HSPA8: variants seen among roughly 807,000 people sequenced by gnomAD.
HSPA8 encodes the protein heat shock protein family A (Hsp70) member 8.
In HSPA8, 2 loss-of-function variants were observed where a neutral mutation model predicts 52.8. That is an observed-to-expected ratio of 0.04 (90% CI 0.02 to 0.12). The LOEUF (loss-of-function observed/expected upper bound fraction) is 0.12, where lower values mean the gene tolerates loss of function less well. Ranked by LOEUF, HSPA8 falls within the 10% of genes least tolerant of loss-of-function variation. The pLI is 1.00. For synonymous variants in HSPA8, 436 were observed against 274.0 expected (o/e 1.59, Z -5.84); for missense variants, 349 against 800.5 (o/e 0.44, Z 6.81).
chr11:123,058,090 C>A, intron 8 of HSPA8, 162 bp downstream of exon 8: 1 of 715,170 alleles, frequency 1.4e-6, no homozygotes, highest in Non-Finnish European at 2.3e-6. Flanking sequence ...CTCAGACATC[C>A]AAGGAAGGTA....
At chr11:123,061,978 C>T (rs941515599) in intron 1 of HSPA8, 86 bp downstream of exon 1, 1 of 152,648 alleles carries the variant, frequency 6.6e-6, no homozygotes, top group Non-Finnish European at 1.4e-5. Flanking sequence ...ATTCTCAGAA[C>T]CCCCAAGCCT....
At chr11:123,058,225 G>GGAA (rs1865371766) in intron 8 of HSPA8, 27 bp downstream of exon 8, 10 of 1,024,674 alleles carry the variant, frequency 9.8e-6, no homozygotes, top group Admixed American at 2.3e-5. Flanking sequence ...GAGTGGGGGA[G>GGAA]GAAAAAAAAA....
rs779708153 is a variant in HSPA8 at position 123,061,247 on chromosome 11, G to C, written c.78C>G (p.Val26=). The C allele has an allele frequency of 6.2e-6, 10 of 1,613,706 alleles. No homozygotes were observed. The highest frequency in any genetic ancestry group is 3.3e-5 in the South Asian group (3 of 91,074). The change falls in exon 2 of 9, where the codon GTC becomes GTG. Residue 26 remains valine, a synonymous_variant. Transcript: ENST00000534624. ...SCVGVFQHGK[V]EIIANDQGNR... is the part of the protein sequence containing the mutation. Reference sequence around the variant, plus strand: ...TTCCCTGATCATTGGCAATTATCTCGACTTTTCCGTGCTGGAAAACACCCA... The same window carrying C: ...TTCCCTGATCATTGGCAATTATCTCCACTTTTCCGTGCTGGAAAACACCCA...
chr11:123,061,522 G>T (rs1345722358), intron 1 of HSPA8, 193 bp from the exon 2 acceptor site: 3 of 602,830 alleles, frequency 5.0e-6, no homozygotes, highest in African/African-American at 3.7e-5. Flanking sequence ...CCGCAGCAGA[G>T]CACGCCCTAG....
chr11:123,058,112 C>G, intron 8 of HSPA8, 140 bp downstream of exon 8: 1 of 725,390 alleles, frequency 1.4e-6, no homozygotes, highest in Non-Finnish European at 2.3e-6. Context: ...TTGCCAACAC[C>G]TTGAATTCTG....
chr11:123,059,405 A>G, intron 5 of HSPA8, 68 bp downstream of exon 5: 2 of 1,436,666 alleles, frequency 1.4e-6, no homozygotes, highest in Non-Finnish European at 1.9e-6. Context: ...AATGTTTAAC[A>G]ATCACTCATC....
At chr11:123,060,944 T>G (rs1865479770) in intron 2 of HSPA8, 146 bp from the exon 3 acceptor site, 3 of 880,928 alleles carry the variant, frequency 3.4e-6, no homozygotes, top group Non-Finnish European at 5.3e-6. Flanking sequence ...TTCAACCTCC[T>G]ACGTTATCCA....
At position 123,059,460 on chromosome 11, in the gene HSPA8, A is replaced by C; in HGVS notation, c.1120+13T>G. 1.9e-6 allele frequency: 3 copies of C among 1,605,232 alleles called. No homozygotes were observed. The South Asian group carries it at 3.3e-5, about 18-fold the overall frequency. On this transcript the variant is annotated intron_variant, in intron 5 of 8. Transcript: ENST00000534624. ...CTGCCTGCCTTTAGGGTTAATTGAG[A>C]TACCATTGTTACCTGCACCATAAGC...
chr11:123,060,324 A>C (rs1203052969), intron 3 of HSPA8, 56 bp from the exon 4 acceptor site: 2 of 1,515,586 alleles, frequency 1.3e-6, no homozygotes, highest in African/African-American at 2.8e-5. Context: ...ATATATGCAA[A>C]CTCCAGCAAA....
intron 8 of HSPA8, 96 bp downstream of exon 8, chr11:123,058,156 T>C (rs1194010577): frequency 4.7e-6 from 4 of 856,628 alleles, no homozygotes; most frequent in African/African-American, 3.4e-5. Flanking sequence ...CCATTCATCA[T>C]TGTGACCCTA....
In HSPA8 at chr11:123,057,692, T is replaced by C. The variant is rs1865345874; in HGVS notation, c.*42A>G. The C allele has an allele frequency of 1.3e-6, 2 of 1,513,192 alleles. No individual in the cohort carries two copies. Among genetic ancestry groups the C allele is most frequent in the Non-Finnish European group, 1.8e-6 (2 of 1,118,404 alleles). The allele number at this position is 1,513,192 out of a possible 1,614,324, so 93.7% of individuals were successfully genotyped here. On this transcript the variant is annotated 3_prime_UTR_variant, in exon 9 of 9. Coordinates refer to ENST00000534624, the MANE Select transcript of HSPA8 (RefSeq NM_006597.6). Reference sequence around the variant, plus strand: ...GCTACGAATTTAGGTCCTTCAAATGTTTTAAATGTGTGGAACAATGCTACA... The same window carrying C: ...GCTACGAATTTAGGTCCTTCAAATGCTTTAAATGTGTGGAACAATGCTACA...
Position 123,058,841 on chromosome 11 carries a change from A to G in HSPA8, c.1324-11T>C. 1 of 1,612,528 alleles carries G rather than the reference A, an allele frequency of 6.2e-7. No individual in the cohort carries two copies. Among genetic ancestry groups the G allele is most frequent in the Non-Finnish European group, 8.5e-7 (1 of 1,178,606 alleles). On this transcript the variant is annotated splice_polypyrimidine_tract_variant and intron_variant, in intron 6 of 8. Transcript: ENST00000534624. Reference sequence around the variant, plus strand: ...CTCGCCTTCATAAACCTTGGTAGGAAATAAAACAAATTACTACAATGGACT... The same window carrying G: ...CTCGCCTTCATAAACCTTGGTAGGAGATAAAACAAATTACTACAATGGACT...
chr11:123,060,369 C>T, intron 3 of HSPA8, 101 bp from the exon 4 acceptor site: 2 of 1,147,098 alleles, frequency 1.7e-6, no homozygotes, highest in East Asian at 2.4e-5. Context: ...GCTGGAGCAC[C>T]CCCCCCACCA....
chr11:123,058,195 C>G lies in HSPA8; in HGVS notation c.1755+57G>C, dbSNP rs890890711. The G allele has an allele frequency of 5.4e-6, 6 of 1,112,818 alleles. No individual in the cohort carries two copies. In the African/African-American group the frequency reaches 9.7e-5, roughly 18 times the overall value. 68.9% of individuals were successfully genotyped at this position (1,112,818 alleles called of 1,614,324 possible). A position where few individuals can be genotyped will look rare whatever the true frequency, so the allele number is the denominator to read the frequency against. On this transcript the variant is annotated intron_variant, in intron 8 of 8. Coordinates refer to ENST00000534624, the MANE Select transcript of HSPA8 (RefSeq NM_006597.6). ...TGAAATCCAGCTCAAGCTTGGTTTA[C>G]CATCCCCTTCCCCTCCATTGAGTGG...
chr11:123,059,888 G>A lies in HSPA8; in HGVS notation c.705C>T (p.Asn235=), dbSNP rs201712472. 3.7e-6 allele frequency: 6 copies of A among 1,613,404 alleles called. No homozygotes were observed. Among genetic ancestry groups the A allele is most frequent in the African/African-American group, 1.3e-5 (1 of 74,950 alleles). ...DTHLGGEDFD[N]RMVNHFIAEF... The stretch of plus-strand genomic sequence containing the variant: ...CAGCAATAAAATGGTTGACCATTCG[G>A]TTGTCAAAATCTTCTCCACCCAAGT... The change falls in exon 5 of 9, where the codon AAC becomes AAT. Residue 235 remains asparagine, a synonymous_variant. Coordinates refer to ENST00000534624, the MANE Select transcript of HSPA8 (RefSeq NM_006597.6).
intron 6 of HSPA8, 73 bp from the exon 7 acceptor site, chr11:123,058,903 G>A (rs1865399508): frequency 7.4e-6 from 11 of 1,481,780 alleles, no homozygotes; most frequent in African/African-American, 1.4e-5. Flanking sequence ...TGCTAAGGAA[G>A]AATGGTCGCT....
In HSPA8 at chr11:123,059,715, A is replaced by T; in HGVS notation, c.878T>A (p.Phe293Tyr). 1 of 1,613,930 alleles carries T rather than the reference A, an allele frequency of 6.2e-7. No homozygotes were observed. The highest frequency in any genetic ancestry group is 8.5e-7 in the Non-Finnish European group (1 of 1,179,884). ...EIDSLYEGID[F>Y]YTSITRARFE... ...TCGGGCACGGGTAATGGAGGTATAG[A>T]AGTCGATTCCTTCATAGAGAGAATC... Residue 293 changes from phenylalanine to tyrosine, a missense_variant, in exon 5 of 9, where the codon TTC becomes TAC. Phe to Tyr is a conservative substitution (Grantham distance 22). Transcript: ENST00000534624.
chr11:123,061,069 T>G (rs747430342), intron 2 of HSPA8, 51 bp downstream of exon 2: 2 of 1,500,892 alleles, frequency 1.3e-6, no homozygotes, highest in Non-Finnish European at 1.9e-6. Flanking sequence ...TAAACTTTTG[T>G]GCTTCCTAGC....
At chr11:123,061,587 C>T (rs925652166) in intron 1 of HSPA8, 3 of 525,634 alleles carry the variant, frequency 5.7e-6, no homozygotes, top group African/African-American at 1.9e-5. Flanking sequence ...CGTGGTCTTA[C>T]CCCGAACTGA....
Sources: gnomAD v4.1 joint callset for allele counts on GRCh38, gnomAD v4.1.1 for gene constraint, MANE v1.5 for transcripts, NCBI Gene and HGNC (gene_info 2026-07-23, HGNC 2026-07-21) for gene names.